The following CDC73 variants were observed in gnomAD, a reference collection of about 807,000 sequenced individuals.
CDC73 encodes the protein cell division cycle 73, also known as parafibromin.
In CDC73, 21 loss-of-function variants were observed where a neutral mutation model predicts 83.7. The observed-to-expected ratio is 0.25, with a 90% CI of 0.18 to 0.36. The LOEUF (loss-of-function observed/expected upper bound fraction) is 0.36, where lower values mean the gene tolerates loss of function less well. CDC73 is among the 10% of genes least tolerant of loss of function. The probability of loss-of-function intolerance (pLI) is 1.00; values close to 1 mark genes in which losing one functional copy is unlikely to be tolerated. For missense variants in CDC73, 342 were observed against 653.3 expected (o/e 0.52, Z 5.19); for synonymous variants, 224 against 212.9 (o/e 1.05, Z -0.45).
intron 10 of CDC73, among the ~76,000 whole-genome samples, chr1:193,183,914 T>C (rs7523988): frequency 0.022 from 3,292 of 151,954 alleles, 117 homozygotes; most frequent in African/African-American, 0.076. Flanking sequence ...GTCAGATGTT[T>C]GAATGGATGT....
chr1:193,160,358 C>T (rs1018544217), intron 10 of CDC73, among the ~76,000 whole-genome samples: 1 of 151,804 alleles, frequency 6.6e-6, no homozygotes, highest in Admixed American at 6.6e-5. Context: ...TTTTAAAATG[C>T]TGTAATATTG....
chr1:193,191,556 T>G (rs1011323595), intron 10 of CDC73, among the ~76,000 whole-genome samples: 1 of 151,990 alleles, frequency 6.6e-6, no homozygotes, highest in African/African-American at 2.4e-5. Flanking sequence ...CTTGGCTAAT[T>G]TTTGTATTTT....
At chr1:193,173,524 A>G (rs1302007736) in intron 10 of CDC73, among the ~76,000 whole-genome samples, 1 of 152,156 alleles carries the variant, frequency 6.6e-6, no homozygotes, top group Non-Finnish European at 1.5e-5. Context: ...ATCCTAACAC[A>G]CAGTTCATTT....
At chr1:193,230,709 A>G (rs181197399) in intron 13 of CDC73, among the ~76,000 whole-genome samples, 33 of 152,190 alleles carry the variant, frequency 2.2e-4, no homozygotes, top group African/African-American at 6.0e-4. Flanking sequence ...TAGTGGTACA[A>G]TATAATGGTG....
At chr1:193,172,135 G>A (rs937719745) in intron 10 of CDC73, among the ~76,000 whole-genome samples, 1 of 151,866 alleles carries the variant, frequency 6.6e-6, no homozygotes. Flanking sequence ...GTGTTGGCTA[G>A]GTTGGTCTCA....
At chr1:193,198,147 G>T (rs183781476) in intron 10 of CDC73, among the ~76,000 whole-genome samples, 66 of 152,294 alleles carry the variant, frequency 4.3e-4, no homozygotes, top group African/African-American at 1.3e-3. Flanking sequence ...GCTGTATCAA[G>T]ATTGGAGGAG....
rs145858621 is a variant in CDC73, at chr1:193,237,847, A to G, written c.1417+1491A>G. On this transcript the variant is annotated intron_variant, in intron 15 of 16. Coordinates refer to ENST00000367435, the MANE Select transcript of CDC73 (RefSeq NM_024529.5). ...ATTTTCCTTCTGTCGTTCGGCCAGG[A>G]TCTGCAGGTTGGGCCCGGCAACTGA... Among the ~76,000 whole-genome samples the G allele has an allele frequency of 1.8e-3, 275 of 152,248 alleles. 1 individual carries two copies. Among genetic ancestry groups the G allele is most frequent in the African/African-American group, 6.3e-3 (261 of 41,548 alleles).
intron 10 of CDC73, among the ~76,000 whole-genome samples, chr1:193,152,971 C>T (rs1385932432): frequency 1.2e-4 from 18 of 151,920 alleles, no homozygotes; most frequent in African/African-American, 3.6e-4. Context: ...TTAGTAGAGA[C>T]GGGGTTTCGC....
chr1:193,226,359 G>A (rs1025238459), intron 13 of CDC73, among the ~76,000 whole-genome samples: 1 of 152,050 alleles, frequency 6.6e-6, no homozygotes, highest in Non-Finnish European at 1.5e-5. Context: ...GAAGAGAAGA[G>A]AATGAAATGA....
At chr1:193,146,965 G>A (rs1346952669) in intron 7 of CDC73, among the ~76,000 whole-genome samples, 1 of 152,020 alleles carries the variant, frequency 6.6e-6, no homozygotes, top group Non-Finnish European at 1.5e-5. Flanking sequence ...TGAACTAGAA[G>A]CCTCTTTTGA....
In CDC73 at chr1:193,250,672, TCAGGTACA is replaced by T; in HGVS notation, c.1560-3_1564del. The T allele has an allele frequency of 6.2e-7, 1 of 1,604,212 alleles. No individual in the cohort carries two copies. The highest frequency in any genetic ancestry group is 1.1e-5 in the South Asian group (1 of 90,656). ...ATTATAACCTACCATAATATTTTTTTCAGGTACATGGTAAAGCATAAATCGCACTTGAG... is the reference window on the plus strand; with the variant it reads ...ATTATAACCTACCATAATATTTTTTTTGGTAAAGCATAAATCGCACTTGAG... On this transcript the variant is annotated splice_acceptor_variant and splice_polypyrimidine_tract_variant and coding_sequence_variant and intron_variant, in exon 17 of 17. Transcript: ENST00000367435. LOFTEE classifies it high-confidence loss of function.
intron 10 of CDC73, among the ~76,000 whole-genome samples, chr1:193,183,072 A>C (rs1399172834): frequency 1.3e-5 from 2 of 151,990 alleles, no homozygotes; most frequent in Non-Finnish European, 2.9e-5. Context: ...CATAAATTTA[A>C]TTACTTCTAG....
chr1:193,147,780 TAGTA>T (rs1676027554), intron 7 of CDC73, 83 bp from the exon 8 acceptor site: 1 of 792,990 alleles, frequency 1.3e-6, no homozygotes, highest in Non-Finnish European at 2.2e-6. Flanking sequence ...GAAGAATCGA[TAGTA>T]AGATAACTTA....
intron 13 of CDC73, among the ~76,000 whole-genome samples, chr1:193,220,935 G>A (rs1330820696): frequency 7.6e-6 from 1 of 132,054 alleles, no homozygotes; most frequent in Non-Finnish European, 1.6e-5. Flanking sequence ...TTTTGTATGA[G>A]CTTTCCACCT....
At chr1:193,211,781 A>G (rs1677284042) in intron 11 of CDC73, among the ~76,000 whole-genome samples, 2 of 152,198 alleles carry the variant, frequency 1.3e-5, no homozygotes, top group South Asian at 2.1e-4. Flanking sequence ...GGAATTTTCT[A>G]TTTAATATTT....
rs958399963 is a variant in CDC73 at position 193,138,232 on chromosome 1, A to G, written c.512+59A>G. 2.8e-5 allele frequency: 31 copies of G among 1,116,718 alleles called. No individual in the cohort carries two copies. In the African/African-American group the frequency reaches 3.8e-4, roughly 14 times the overall value. 69.2% of individuals were successfully genotyped at this position (1,116,718 alleles called of 1,614,324 possible). A position where few individuals can be genotyped will look rare whatever the true frequency, so the allele number is the denominator to read the frequency against. On this transcript the variant is annotated intron_variant, in intron 6 of 16. Coordinates refer to ENST00000367435, the MANE Select transcript of CDC73 (RefSeq NM_024529.5). ...TTAGATATATGTAAAAGTATAAGGA[A>G]AAGGAATATTAAAATGCTCTCCACA...
At chr1:193,211,170 G>A (rs78440714) in intron 11 of CDC73, among the ~76,000 whole-genome samples, 10 of 152,166 alleles carry the variant, frequency 6.6e-5, no homozygotes, top group African/African-American at 2.2e-4. Flanking sequence ...ACCCCCCAGC[G>A]GATACCTGAA....
chr1:193,198,460 A>G (rs1056746050), intron 10 of CDC73, among the ~76,000 whole-genome samples: 7 of 152,236 alleles, frequency 4.6e-5, no homozygotes, highest in African/African-American at 1.7e-4. Context: ...TGTCCCCTCC[A>G]GAGGATGCAA....
At chr1:193,234,218 C>T (rs866195121) in intron 14 of CDC73, among the ~76,000 whole-genome samples, 1,604 of 29,192 alleles carry the variant, frequency 0.055, 23 homozygotes, top group South Asian at 0.18. Context: ...CACACACACA[C>T]ACATATATAT....
Sources: gnomAD v4.1 joint callset for allele counts (sites outside exome capture counted in the v4.1 genomes callset) on GRCh38, gnomAD v4.1.1 for gene constraint, MANE v1.5 for transcripts, NCBI Gene and HGNC (gene_info 2026-07-23, HGNC 2026-07-21) for gene names.